The following EDC3 variants were observed in gnomAD, a reference collection of about 807,000 sequenced individuals.
EDC3 encodes enhancer of mRNA-decapping protein 3.
In EDC3, 20 loss-of-function variants were observed where a neutral mutation model predicts 41.8. That is an observed-to-expected ratio of 0.48 (90% CI 0.34 to 0.70). EDC3 has a LOEUF of 0.70. Among genes scored for constraint, EDC3 ranks in the 30% least tolerant of loss-of-function variants. The pLI is 0.01. For synonymous variants in EDC3, 206 were observed against 243.2 expected, an observed-to-expected ratio of 0.85 and a Z score of 1.42; for missense variants, 444 against 636.8, an observed-to-expected ratio of 0.70 and a Z score of 3.26.
chr15:74,630,977 C>G lies in EDC3; in HGVS notation c.*1635G>C, dbSNP rs1464589645. On this transcript the variant is annotated 3_prime_UTR_variant, in exon 7 of 7. Coordinates refer to ENST00000315127, the MANE Select transcript of EDC3 (RefSeq NM_025083.5). ...CAAAAAGCCTGTAACCTAGACTGCT[C>G]CTCAGATTTTGGCCAAGAGAGGGCC... is the stretch of plus-strand genomic sequence containing the variant. 1 of 152,262 alleles carries G rather than the reference C, an allele frequency of 6.6e-6. No individual in the cohort carries two copies. Among genetic ancestry groups the G allele is most frequent in the Non-Finnish European group, 1.5e-5 (1 of 68,068 alleles). 9.4% of individuals were successfully genotyped at this position (152,262 alleles called of 1,614,324 possible). A position where few individuals can be genotyped will look rare whatever the true frequency, so the allele number is the denominator to read the frequency against.
chr15:74,695,787 G>A (rs1471309054), intron 1 of EDC3, 93 bp downstream of exon 1: 1 of 152,866 alleles, frequency 6.5e-6, no homozygotes, highest in Admixed American at 6.6e-5. Flanking sequence ...CCTCTATAAA[G>A]GTCTACGAGG....
intron 2 of EDC3, among the ~76,000 whole-genome samples, chr15:74,674,470 T>C (rs1450629798): frequency 6.6e-6 from 1 of 152,190 alleles, no homozygotes; most frequent in African/African-American, 2.4e-5. Context: ...TTAGGTTATT[T>C]GTAACCTTGG....
chr15:74,680,416 C>T (rs942073611), intron 1 of EDC3, among the ~76,000 whole-genome samples: 3 of 151,992 alleles, frequency 2.0e-5, no homozygotes, highest in African/African-American at 7.3e-5. Context: ...GCAACTGACA[C>T]AGAAATGCAT....
At chr15:74,667,570 A>C (rs2141640887) in intron 3 of EDC3, among the ~76,000 whole-genome samples, 1 of 151,532 alleles carries the variant, frequency 6.6e-6, no homozygotes, top group Non-Finnish European at 1.5e-5. Context: ...GAAAGTACCT[A>C]AGTACTAAAA....
rs1273797641 is a variant in EDC3 at position 74,631,626 on chromosome 15, T to C, written c.*986A>G. 6.5e-6 allele frequency: 1 copy of C among 152,708 alleles called. No individual in the cohort carries two copies. The highest frequency in any genetic ancestry group is 1.5e-5 in the Non-Finnish European group (1 of 68,216). The allele number at this position is 152,708 out of a possible 1,614,324, so 9.5% of individuals were successfully genotyped here. A position where few individuals can be genotyped will look rare whatever the true frequency, so the allele number is the denominator to read the frequency against. On this transcript the variant is annotated 3_prime_UTR_variant, in exon 7 of 7. Transcript: ENST00000315127. ...CATCTGCCTGCTCTGGGATGACAGCTGCAAAGGACCGTTTCAGGGGAAGGG... is the reference window on the plus strand; with the variant it reads ...CATCTGCCTGCTCTGGGATGACAGCCGCAAAGGACCGTTTCAGGGGAAGGG...
chr15:74,685,524 T>C (rs1354137748), intron 1 of EDC3, among the ~76,000 whole-genome samples: 2 of 152,206 alleles, frequency 1.3e-5, no homozygotes, highest in Non-Finnish European at 2.9e-5. Context: ...TCAATAAATA[T>C]TTAATCAATC....
chr15:74,680,504 A>G (rs767245697), intron 1 of EDC3, among the ~76,000 whole-genome samples: 8 of 152,168 alleles, frequency 5.3e-5, no homozygotes, highest in Non-Finnish European at 8.8e-5. Flanking sequence ...AACTTCATCA[A>G]TCTGGTAAAG....
intron 4 of EDC3, among the ~76,000 whole-genome samples, chr15:74,647,830 G>A (rs1449640697): frequency 6.6e-6 from 1 of 152,222 alleles, no homozygotes; most frequent in African/African-American, 2.4e-5. Context: ...TGTGTTCAGT[G>A]AAAAGTTGTG....
At position 74,674,958 on chromosome 15, in the gene EDC3, C is replaced by T. The variant is rs547710767; in HGVS notation, c.164+3G>A. ...ATTCAGAAGAGTCAGTCAGGACACTCACCTGAAGGTGACTTCTGGAACAAG... is the reference window on the plus strand; with the variant it reads ...ATTCAGAAGAGTCAGTCAGGACACTTACCTGAAGGTGACTTCTGGAACAAG... On this transcript the variant is annotated splice_donor_region_variant and intron_variant, in intron 2 of 6. Coordinates refer to ENST00000315127, the MANE Select transcript of EDC3 (RefSeq NM_025083.5). 2 of 1,613,978 alleles carry T rather than the reference C, an allele frequency of 1.2e-6. No homozygotes were observed. Among genetic ancestry groups the T allele is most frequent in the African/African-American group, 2.7e-5 (2 of 75,052 alleles).
intron 3 of EDC3, among the ~76,000 whole-genome samples, chr15:74,664,048 T>C (rs928461839): frequency 5.3e-5 from 8 of 152,182 alleles, no homozygotes; most frequent in African/African-American, 7.2e-5. Context: ...ATTTGAGACA[T>C]AGACACTAAG....
chr15:74,657,518 C>A (rs2062564095), intron 3 of EDC3, among the ~76,000 whole-genome samples: 1 of 152,200 alleles, frequency 6.6e-6, no homozygotes, highest in African/African-American at 2.4e-5. Context: ...AAACGGGGCA[C>A]CCCTGTCATG....
intron 2 of EDC3, among the ~76,000 whole-genome samples, chr15:74,672,993 G>C (rs2062756776): frequency 6.6e-6 from 1 of 152,022 alleles, no homozygotes; most frequent in Non-Finnish European, 1.5e-5. Flanking sequence ...CAGGGAGAAA[G>C]GCATCTCAGG....
intron 1 of EDC3, 47 bp from the exon 2 acceptor site, chr15:74,675,189 CT>C: frequency 6.4e-7 from 1 of 1,567,190 alleles, no homozygotes; most frequent in Non-Finnish European, 8.7e-7. Flanking sequence ...AAAAGACAAA[CT>C]TTTAATTAAA....
chr15:74,693,387 A>G (rs772273323), intron 1 of EDC3, among the ~76,000 whole-genome samples: 1 of 152,148 alleles, frequency 6.6e-6, no homozygotes, highest in Non-Finnish European at 1.5e-5. Flanking sequence ...TGCTTCCTTC[A>G]TTTCATTAAA....
chr15:74,660,326 CCCAG>C (rs1405017243), intron 3 of EDC3, among the ~76,000 whole-genome samples: 3 of 151,820 alleles, frequency 2.0e-5, no homozygotes, highest in Non-Finnish European at 4.4e-5. Flanking sequence ...ATCGCTGGAA[CCCAG>C]GAGGTGGAGG....
chr15:74,659,974 G>A (rs1006075146), intron 3 of EDC3, among the ~76,000 whole-genome samples: 1 of 151,876 alleles, frequency 6.6e-6, no homozygotes, highest in African/African-American at 2.4e-5. Flanking sequence ...GAACCCAGGA[G>A]GCAGAGATTG....
rs1031736585 is a variant in EDC3, at chr15:74,689,631, C to T, written c.-19+6249G>A. 4.9e-4 allele frequency among the ~76,000 whole-genome samples: 75 copies of T among 152,274 alleles called. 1 individual carries two copies. The highest frequency in any genetic ancestry group is 1.7e-3 in the African/African-American group (71 of 41,562). On this transcript the variant is annotated intron_variant, in intron 1 of 6. Transcript: ENST00000315127. ...GCTCCGCCTCCTGGGTTCACACCAT[C>T]CTCCCGCCTCAGCCTCCTGAGTAGC...
chr15:74,660,836 T>G (rs1325000629), intron 3 of EDC3, among the ~76,000 whole-genome samples: 1 of 152,214 alleles, frequency 6.6e-6, no homozygotes, highest in Non-Finnish European at 1.5e-5. Context: ...TTTTAATGTA[T>G]TGATGAAAAC....
intron 3 of EDC3, among the ~76,000 whole-genome samples, chr15:74,670,400 A>G (rs2062725958): frequency 6.6e-6 from 1 of 152,152 alleles, no homozygotes. Flanking sequence ...TATGCTCACC[A>G]TCATACCACC....
Sources: gnomAD v4.1 joint callset for allele counts (sites outside exome capture counted in the v4.1 genomes callset) on GRCh38, gnomAD v4.1.1 for gene constraint, MANE v1.5 for transcripts, NCBI Gene and HGNC (gene_info 2026-07-23, HGNC 2026-07-21) for gene names.